Variants in NXPE2 observed in about 807,000 individuals in gnomAD.
NXPE2 encodes the protein neurexophilin and PC-esterase domain family member 2, also known as NXPE family member 2.
In NXPE2, 34 loss-of-function variants were observed where a neutral mutation model predicts 34.4. That is an observed-to-expected ratio of 0.99 (90% CI 0.75 to 1.31). The LOEUF (loss-of-function observed/expected upper bound fraction) is 1.31, where lower values mean the gene tolerates loss of function less well. Ranked by LOEUF, NXPE2 falls within the 40% of genes most tolerant of loss-of-function variation. NXPE2 has a pLI of 0.00. For synonymous variants in NXPE2, 235 were observed against 231.3 expected (o/e 1.02, Z -0.15); for missense variants, 649 against 672.5 (o/e 0.97, Z 0.39).
At chr11:114,487,010 A>AT in the NXPE2 span, among the ~76,000 whole-genome samples, 863 of 150,746 alleles carry the variant, frequency 5.7e-3, 6 homozygotes, top group African/African-American at 0.02. Flanking sequence ...ACATTTTAGG[A>AT]TTTTTTTTTC....
At chr11:114,677,177 T>TA (rs1950868345), upstream of NXPE2, among the ~76,000 whole-genome samples, 2 of 152,062 alleles carry the variant, frequency 1.3e-5, no homozygotes, top group Non-Finnish European at 2.9e-5. Flanking sequence ...TTACACAGGA[T>TA]GAATAAGTTC....
chr11:114,628,217 A>AT, the NXPE2 span, among the ~76,000 whole-genome samples: 1 of 143,624 alleles, frequency 7.0e-6, no homozygotes. Context: ...CAGAATATAC[A>AT]TTTTTTTCAG....
At chr11:114,788,860 C>T in the NXPE2 span, among the ~76,000 whole-genome samples, 7 of 152,176 alleles carry the variant, frequency 4.6e-5, no homozygotes, top group African/African-American at 1.4e-4. Flanking sequence ...TCACTTCCTT[C>T]GATTGTCATC....
downstream of NXPE2, among the ~76,000 whole-genome samples, chr11:114,710,297 C>A (rs556309103): frequency 4.3e-4 from 65 of 151,628 alleles, no homozygotes; most frequent in African/African-American, 1.1e-3. Context: ...TAGAAAAGAT[C>A]AAAAAAACTA....
the NXPE2 span, among the ~76,000 whole-genome samples, chr11:114,758,908 T>C: frequency 4.6e-5 from 7 of 151,172 alleles, no homozygotes; most frequent in Admixed American, 4.6e-4. Flanking sequence ...ATATTTTTAC[T>C]ATATGTGTAC....
chr11:114,528,354 G>C, the NXPE2 span, among the ~76,000 whole-genome samples: 4 of 152,090 alleles, frequency 2.6e-5, no homozygotes, highest in African/African-American at 7.2e-5. Context: ...CTGCACTACT[G>C]CTTACATCCC....
At chr11:114,469,296 G>A in the NXPE2 span, among the ~76,000 whole-genome samples, 2 of 151,306 alleles carry the variant, frequency 1.3e-5, no homozygotes, top group Non-Finnish European at 1.5e-5. Flanking sequence ...TGTATTTTTA[G>A]TAGAGACGGG....
At chr11:114,533,426 C>T in the NXPE2 span, among the ~76,000 whole-genome samples, 75 of 152,216 alleles carry the variant, frequency 4.9e-4, 1 homozygote, top group African/African-American at 2.2e-4. Context: ...TGGGGAGTGC[C>T]GGACAGTGGG....
the NXPE2 span, among the ~76,000 whole-genome samples, chr11:114,650,737 A>T: frequency 1.3e-5 from 2 of 152,188 alleles, no homozygotes. Context: ...AACCATGGAT[A>T]CAAGGCAGAG....
At chr11:114,657,943 T>C in the NXPE2 span, among the ~76,000 whole-genome samples, 6 of 152,226 alleles carry the variant, frequency 3.9e-5, no homozygotes, top group Non-Finnish European at 1.5e-5. Context: ...AGTCATAGAC[T>C]ATTAATGCCA....
the NXPE2 span, among the ~76,000 whole-genome samples, chr11:114,504,494 C>T: frequency 6.6e-6 from 1 of 152,172 alleles, no homozygotes. Context: ...GGTACCCCCA[C>T]ATTCTCTAGC....
chr11:114,688,578 T>C (rs1241394638), intron 2 of NXPE2, among the ~76,000 whole-genome samples: 1 of 152,134 alleles, frequency 6.6e-6, no homozygotes, highest in Non-Finnish European at 1.5e-5. Context: ...CAGATTTTGA[T>C]ATCAGAATGA....
At chr11:114,783,973 GC>G in the NXPE2 span, among the ~76,000 whole-genome samples, 27 of 152,176 alleles carry the variant, frequency 1.8e-4, no homozygotes, top group Admixed American at 4.6e-4. Context: ...GTTGTTAAAT[GC>G]CTCCTTGTAA....
the NXPE2 span, among the ~76,000 whole-genome samples, chr11:114,739,106 G>A: frequency 6.6e-6 from 1 of 152,228 alleles, no homozygotes; most frequent in East Asian, 1.9e-4. Context: ...TCATAAAGGT[G>A]CAAAGCAAGC....
chr11:114,533,855 G>A, the NXPE2 span, among the ~76,000 whole-genome samples: 1 of 152,222 alleles, frequency 6.6e-6, no homozygotes, highest in Non-Finnish European at 1.5e-5. Flanking sequence ...CTCCACCTCT[G>A]GGGGCAGGGC....
At chr11:114,789,168 A>G in the NXPE2 span, among the ~76,000 whole-genome samples, 1 of 152,216 alleles carries the variant, frequency 6.6e-6, no homozygotes, top group Non-Finnish European at 1.5e-5. Flanking sequence ...TTGCTAAGAG[A>G]GTAGATTTTA....
chr11:114,692,424 A>C (rs1032894279), intron 2 of NXPE2, among the ~76,000 whole-genome samples: 2 of 152,068 alleles, frequency 1.3e-5, no homozygotes, highest in Non-Finnish European at 2.9e-5. Flanking sequence ...GATCCCCAGT[A>C]TCTAGTCTCT....
the NXPE2 span, among the ~76,000 whole-genome samples, chr11:114,727,771 C>CCCA: frequency 1.6e-5 from 1 of 63,484 alleles, no homozygotes; most frequent in Non-Finnish European, 3.5e-5. Context: ...CCCATGTGTA[C>CCCA]ACAACACACA....
chr11:114,519,188 T>C, the NXPE2 span, among the ~76,000 whole-genome samples: 1 of 151,462 alleles, frequency 6.6e-6, no homozygotes, highest in South Asian at 2.1e-4. Context: ...AAATTATACA[T>C]ATTTTTCTAA....
Sources: allele counts gnomAD v4.1 joint callset (sites outside exome capture counted in the v4.1 genomes callset), GRCh38; gene constraint gnomAD v4.1.1; transcripts MANE v1.5; gene names NCBI Gene and HGNC (gene_info 2026-07-23, HGNC 2026-07-21).